The following EXOC6B variants were observed in gnomAD, a reference collection of about 807,000 sequenced individuals.
EXOC6B encodes the protein exocyst complex component 6B.
Under a neutral mutation model 113.5 loss-of-function variants are expected in EXOC6B, and 54 were observed. The ratio of observed to expected loss-of-function variants is 0.48; its 90% CI spans 0.38 to 0.60. The LOEUF is 0.60. Among genes scored for constraint, EXOC6B ranks in the 20% least tolerant of loss-of-function variants. The probability of loss-of-function intolerance (pLI) is 0.00; values close to 1 mark genes in which losing one functional copy is unlikely to be tolerated. For synonymous variants in EXOC6B, 357 were observed against 339.0 expected (o/e 1.05, Z -0.58); for missense variants, 797 against 977.5 (o/e 0.82, Z 2.46).
At chr2:72,301,303 T>C (rs1228660691) in intron 20 of EXOC6B, among the ~76,000 whole-genome samples, 1 of 152,180 alleles carries the variant, frequency 6.6e-6, no homozygotes, top group African/African-American at 2.4e-5. Context: ...GGCCTGAAGT[T>C]TTCTTTTTAT....
chr2:72,755,673 A>G (rs1156661600), intron 1 of EXOC6B, among the ~76,000 whole-genome samples: 4 of 152,230 alleles, frequency 2.6e-5, no homozygotes, highest in South Asian at 2.1e-4. Flanking sequence ...AAGGAAATCT[A>G]TTGTAGGAGG....
chr2:72,264,296 C>A (rs554825316), intron 20 of EXOC6B, among the ~76,000 whole-genome samples: 1 of 152,248 alleles, frequency 6.6e-6, no homozygotes, highest in East Asian at 1.9e-4. Flanking sequence ...TGAGGCCAGG[C>A]GCAGTGGCTC....
chr2:72,492,327 C>T lies in EXOC6B; in HGVS notation c.1656G>A (p.Gly552=), dbSNP rs749737530. The T allele has an allele frequency of 1.2e-6, 2 of 1,609,224 alleles. No individual in the cohort carries two copies. The highest frequency in any genetic ancestry group is 1.7e-6 in the Non-Finnish European group (2 of 1,175,896). Reference sequence around the variant, plus strand: ...TTAGGAGCAGGTTTACCTCAGTAAGCCCAATATTCTTCCTTTTAATTACAT... The same window carrying T: ...TTAGGAGCAGGTTTACCTCAGTAAGTCCAATATTCTTCCTTTTAATTACAT... ...LQNVIKRKNI[G]LTELVQIIIN... is the part of the protein sequence containing the mutation. The change falls in exon 16 of 22, where the codon GGG becomes GGA. Residue 552 remains glycine, a synonymous_variant. Coordinates refer to ENST00000272427, the MANE Select transcript of EXOC6B (RefSeq NM_015189.3).
chr2:72,396,122 A>G (rs1417346367), intron 18 of EXOC6B, among the ~76,000 whole-genome samples: 2 of 152,136 alleles, frequency 1.3e-5, no homozygotes, highest in Non-Finnish European at 2.9e-5. Context: ...TAGAGAAGAG[A>G]ACATGAAATG....
At chr2:72,186,559 C>A (rs1026927133) in intron 20 of EXOC6B, among the ~76,000 whole-genome samples, 3 of 151,276 alleles carry the variant, frequency 2.0e-5, no homozygotes, top group African/African-American at 7.3e-5. Context: ...CCCTAGGAAG[C>A]CTTTTACTAT....
At chr2:72,778,620 C>G (rs1683847648) in intron 1 of EXOC6B, among the ~76,000 whole-genome samples, 1 of 152,068 alleles carries the variant, frequency 6.6e-6, no homozygotes, top group Non-Finnish European at 1.5e-5. Flanking sequence ...CCTATTTGTG[C>G]CAAACAGTTA....
At chr2:72,665,468 T>C (rs1451084385) in intron 6 of EXOC6B, among the ~76,000 whole-genome samples, 1 of 152,098 alleles carries the variant, frequency 6.6e-6, no homozygotes, top group Non-Finnish European at 1.5e-5. Context: ...AAGTCACTTA[T>C]AAAGGAAATA....
At chr2:72,496,722 A>T (rs969969470) in intron 13 of EXOC6B, among the ~76,000 whole-genome samples, 163 bp from the exon 14 acceptor site, 1 of 152,034 alleles carries the variant, frequency 6.6e-6, no homozygotes, top group Admixed American at 6.6e-5. Context: ...AGTCCCTATT[A>T]TATTCCTTCC....
intron 18 of EXOC6B, among the ~76,000 whole-genome samples, chr2:72,408,451 C>T (rs1693935711): frequency 6.6e-6 from 1 of 152,188 alleles, no homozygotes; most frequent in Non-Finnish European, 1.5e-5. Context: ...CATCACGCTA[C>T]CTGACTTCAA....
chr2:72,241,256 A>G (rs1682293161), intron 20 of EXOC6B, among the ~76,000 whole-genome samples: 1 of 152,200 alleles, frequency 6.6e-6, no homozygotes, highest in Non-Finnish European at 1.5e-5. Context: ...TGGGGTCCTC[A>G]ATAGACTGTA....
intron 20 of EXOC6B, among the ~76,000 whole-genome samples, chr2:72,258,312 A>G (rs555944099): frequency 6.6e-6 from 1 of 150,716 alleles, no homozygotes; most frequent in East Asian, 1.9e-4. Context: ...AGGGCTCAAC[A>G]TGGAATAGAT....
intron 20 of EXOC6B, among the ~76,000 whole-genome samples, chr2:72,239,511 A>G (rs1202289071): frequency 2.0e-5 from 3 of 152,220 alleles, no homozygotes; most frequent in Non-Finnish European, 4.4e-5. Flanking sequence ...TTTTTCCTCA[A>G]CTTCAACTCT....
At chr2:72,238,203 G>A (rs1422710315) in intron 20 of EXOC6B, among the ~76,000 whole-genome samples, 1 of 152,118 alleles carries the variant, frequency 6.6e-6, no homozygotes, top group Non-Finnish European at 1.5e-5. Context: ...CTTAATGTAT[G>A]ATTTTCAAGG....
chr2:72,380,428 A>G (rs1239693041), intron 18 of EXOC6B, among the ~76,000 whole-genome samples: 1 of 152,182 alleles, frequency 6.6e-6, no homozygotes, highest in African/African-American at 2.4e-5. Flanking sequence ...TCACAAGGTC[A>G]GGAGATCGAG....
At chr2:72,549,287 G>A (rs1558785357) in intron 8 of EXOC6B, among the ~76,000 whole-genome samples, 2 of 152,184 alleles carry the variant, frequency 1.3e-5, no homozygotes, top group African/African-American at 2.4e-5. Context: ...TTTGTATGTT[G>A]AATAGATTAT....
At chr2:72,307,098 G>A (rs1686909774) in intron 20 of EXOC6B, among the ~76,000 whole-genome samples, 1 of 151,106 alleles carries the variant, frequency 6.6e-6, no homozygotes, top group African/African-American at 2.5e-5. Flanking sequence ...AAATACTCAA[G>A]TCTCATCACA....
At chr2:72,493,686 T>C (rs776611189) in intron 15 of EXOC6B, among the ~76,000 whole-genome samples, 25 of 152,098 alleles carry the variant, frequency 1.6e-4, no homozygotes, top group Non-Finnish European at 3.1e-4. Context: ...ACCATAGAAA[T>C]GCCATGTGTT....
chr2:72,238,045 C>T (rs1436142163), intron 20 of EXOC6B, among the ~76,000 whole-genome samples: 7 of 152,122 alleles, frequency 4.6e-5, no homozygotes, highest in Non-Finnish European at 1.0e-4. Context: ...CAGAAAGAAA[C>T]CCTGTACCCA....
intron 18 of EXOC6B, among the ~76,000 whole-genome samples, chr2:72,431,759 T>A (rs915846191): frequency 6.6e-6 from 1 of 152,092 alleles, no homozygotes; most frequent in Non-Finnish European, 1.5e-5. Context: ...CAACACTTCA[T>A]CTACATTAGG....
Sources: allele counts gnomAD v4.1 joint callset (sites outside exome capture counted in the v4.1 genomes callset), GRCh38; gene constraint gnomAD v4.1.1; transcripts MANE v1.5; gene names NCBI Gene and HGNC (gene_info 2026-07-23, HGNC 2026-07-21).